FGF9: variants seen among roughly 807,000 people sequenced by gnomAD.
The protein encoded by FGF9 is fibroblast growth factor 9, also known as fibroblast growth factor 9 (glia-activating factor).
FGF9 carries 3 observed loss-of-function variants against 19.9 expected under a neutral mutation model. The ratio of observed to expected loss-of-function variants is 0.15; its 90% CI spans 0.07 to 0.39. The LOEUF (loss-of-function observed/expected upper bound fraction) is 0.39. Among genes scored for constraint, FGF9 ranks in the 10% least tolerant of loss-of-function variants. FGF9 has a pLI of 1.00. For missense variants in FGF9, 175 were observed against 256.8 expected (o/e 0.68, Z 2.18); for synonymous variants, 107 against 106.9 (o/e 1.00, Z -0.01).
chr13:21,686,245 T>A (rs2138138137), intron 2 of FGF9, among the ~76,000 whole-genome samples: 2 of 152,280 alleles, frequency 1.3e-5, no homozygotes, highest in South Asian at 4.2e-4. Context: ...ACCGGGCTGA[T>A]CTTGAATTCC....
At chr13:21,677,790 C>T (rs371431653) in intron 1 of FGF9, among the ~76,000 whole-genome samples, 21 of 152,246 alleles carry the variant, frequency 1.4e-4, no homozygotes, top group African/African-American at 3.1e-4. Context: ...TAAGGAACTG[C>T]GGAGAAATGG....
chr13:21,681,980 T>C (rs932853164), intron 2 of FGF9, among the ~76,000 whole-genome samples: 3 of 152,076 alleles, frequency 2.0e-5, no homozygotes, highest in Admixed American at 6.6e-5. Flanking sequence ...AATTAATCTG[T>C]AGCGTTTCTT....
At chr13:21,685,151 T>C (rs1872129907) in intron 2 of FGF9, among the ~76,000 whole-genome samples, 2 of 152,226 alleles carry the variant, frequency 1.3e-5, no homozygotes, top group African/African-American at 4.8e-5. Context: ...CCAGGAATCT[T>C]TATCTGTGTG....
At chr13:21,690,029 A>G (rs552593347) in intron 2 of FGF9, among the ~76,000 whole-genome samples, 94 of 152,320 alleles carry the variant, frequency 6.2e-4, no homozygotes, top group Non-Finnish European at 1.1e-3. Context: ...CCAGAGCCTC[A>G]GTGTCATGGT....
chr13:21,699,470 C>T (rs1011712395), intron 2 of FGF9, among the ~76,000 whole-genome samples: 2 of 152,134 alleles, frequency 1.3e-5, no homozygotes, highest in Admixed American at 6.5e-5. Context: ...CAGGAAGTGC[C>T]GGCCCTCATG....
At chr13:21,693,863 C>T (rs1474619973) in intron 2 of FGF9, among the ~76,000 whole-genome samples, 1 of 152,206 alleles carries the variant, frequency 6.6e-6, no homozygotes, top group Non-Finnish European at 1.5e-5. Flanking sequence ...CTTCTGGAAG[C>T]GTGAACGCAG....
intron 2 of FGF9, among the ~76,000 whole-genome samples, chr13:21,688,752 A>ATT (rs56274891): frequency 0.26 from 36,867 of 139,842 alleles, 5,734 homozygotes; most frequent in East Asian, 0.41. Context: ...ATTTTGGAGG[A>ATT]TTTTTTTTTT....
Position 21,671,425 on chromosome 13 carries a change from G to T in FGF9, c.-488G>T. On this transcript the variant is annotated 5_prime_UTR_variant, in exon 1 of 3. Transcript: ENST00000382353. ...ATGCTGATGTCTGCAGAGTCGGTTA[G>T]AGAGTAAAAACAGCGCATGCCTTCC... 1 of 414,444 alleles carries T rather than the reference G, an allele frequency of 2.4e-6. No individual in the cohort carries two copies. The highest frequency in any genetic ancestry group is 1.1e-4 in the South Asian group (1 of 9,494). The allele number at this position is 414,444 out of a possible 1,614,324, so 25.7% of individuals were successfully genotyped here.
chr13:21,699,530 A>AGGT (rs1404856143), intron 2 of FGF9, among the ~76,000 whole-genome samples: 1 of 152,162 alleles, frequency 6.6e-6, no homozygotes, highest in Non-Finnish European at 1.5e-5. Flanking sequence ...GACCTAGAGA[A>AGGT]GGTGGCCTCA....
chr13:21,674,364 C>G (rs1178006155), intron 1 of FGF9, among the ~76,000 whole-genome samples: 4 of 110,056 alleles, frequency 3.6e-5, no homozygotes, highest in Non-Finnish European at 5.9e-5. Context: ...GTGGGGGGGA[C>G]AAAGGGCCGC....
chr13:21,672,194 G>A lies in FGF9; in HGVS notation c.277+5G>A. The A allele has an allele frequency of 6.2e-7, 1 of 1,614,052 alleles. No homozygotes were observed. Reference sequence around the variant, plus strand: ...GGAAAGACCACAGCCGATTTGGTAGGTATACCATTAACCCTTTAGTGTCCA... The same window carrying A: ...GGAAAGACCACAGCCGATTTGGTAGATATACCATTAACCCTTTAGTGTCCA... On this transcript the variant is annotated splice_donor_5th_base_variant and intron_variant, in intron 1 of 2. Coordinates refer to ENST00000382353, the MANE Select transcript of FGF9 (RefSeq NM_002010.3). This position sits in a 1 kb window ranked among gnomAD's most constrained non-coding sequence, Gnocchi z 4.2.
chr13:21,675,178 T>C (rs1318626861), intron 1 of FGF9, among the ~76,000 whole-genome samples: 1 of 151,652 alleles, frequency 6.6e-6, no homozygotes, highest in African/African-American at 2.4e-5. Flanking sequence ...GGCGCTCCGC[T>C]GTGCCACTCA....
At chr13:21,687,454 A>C (rs971755525) in intron 2 of FGF9, among the ~76,000 whole-genome samples, 2 of 152,256 alleles carry the variant, frequency 1.3e-5, no homozygotes, top group African/African-American at 4.8e-5. Context: ...CAAAACATTT[A>C]TATGCCAAAA....
intron 2 of FGF9, among the ~76,000 whole-genome samples, chr13:21,699,651 T>C (rs1872493379): frequency 6.6e-6 from 1 of 152,200 alleles, no homozygotes. Flanking sequence ...AACTGATATC[T>C]GTGAATTCAT....
At chr13:21,693,999 T>A (rs559974998) in intron 2 of FGF9, among the ~76,000 whole-genome samples, 1 of 152,332 alleles carries the variant, frequency 6.6e-6, no homozygotes, top group South Asian at 2.1e-4. Flanking sequence ...GTTCAATATG[T>A]CCTTCCAGAG....
At chr13:21,696,230 A>G (rs1373174146) in intron 2 of FGF9, among the ~76,000 whole-genome samples, 3 of 152,210 alleles carry the variant, frequency 2.0e-5, no homozygotes, top group Non-Finnish European at 4.4e-5. Context: ...TGGTTTTAAT[A>G]GGATTTGGTA....
At chr13:21,683,697 T>C (rs975920369) in intron 2 of FGF9, among the ~76,000 whole-genome samples, 1 of 152,250 alleles carries the variant, frequency 6.6e-6, no homozygotes, top group Non-Finnish European at 1.5e-5. Flanking sequence ...GCTTGGAAAC[T>C]GCTCCAAGGA....
At position 21,671,519 on chromosome 13, in the gene FGF9, A is replaced by G. The variant is rs1871766167; in HGVS notation, c.-394A>G. The G allele has an allele frequency of 1.0e-5, 5 of 491,170 alleles. No individual in the cohort carries two copies. Among genetic ancestry groups the G allele is most frequent in the African/African-American group, 5.9e-5 (3 of 51,084 alleles). The allele number at this position is 491,170 out of a possible 1,614,324, so 30.4% of individuals were successfully genotyped here. A position where few individuals can be genotyped will look rare whatever the true frequency, so the allele number is the denominator to read the frequency against. On this transcript the variant is annotated 5_prime_UTR_variant, in exon 1 of 3. Coordinates refer to ENST00000382353, the MANE Select transcript of FGF9 (RefSeq NM_002010.3). ...AAAATCCCTATAATAACGCCTAGGC[A>G]TTTAAGTTGCTATGGTCATTCTGAT...
In FGF9 at chr13:21,701,687, A is replaced by T; in HGVS notation, c.*252A>T. On this transcript the variant is annotated 3_prime_UTR_variant, in exon 3 of 3. Coordinates refer to ENST00000382353, the MANE Select transcript of FGF9 (RefSeq NM_002010.3). ...ATGAGAGAAGAGGAGAGAGAGAGAG[A>T]CTGAGCGCTAGGAGTGTGTGTATGT... is the stretch of plus-strand genomic sequence containing the variant. 2.0e-6 allele frequency: 1 copy of T among 498,076 alleles called. No homozygotes were observed. Among genetic ancestry groups the T allele is most frequent in the Non-Finnish European group, 3.6e-6 (1 of 274,144 alleles). The allele number at this position is 498,076 out of a possible 1,614,324, so 30.9% of individuals were successfully genotyped here. A position where few individuals can be genotyped will look rare whatever the true frequency, so the allele number is the denominator to read the frequency against.
Sources: allele counts gnomAD v4.1 joint callset (sites outside exome capture counted in the v4.1 genomes callset), GRCh38; gene constraint gnomAD v4.1.1; non-coding constraint Gnocchi (gnomAD v3.1); transcripts MANE v1.5; gene names NCBI Gene and HGNC (gene_info 2026-07-23, HGNC 2026-07-21).